RHOG: variants seen among roughly 807,000 people sequenced by gnomAD.
RHOG encodes the protein ras homolog family member G, also known as rho-related GTP-binding protein RhoG.
A neutral mutation model predicts 12.3 loss-of-function variants in RHOG; 1 was observed. That is an observed-to-expected ratio of 0.08 (90% CI 0.03 to 0.39). The LOEUF (loss-of-function observed/expected upper bound fraction) is 0.39. Ranked by LOEUF, RHOG falls within the 10% of genes least tolerant of loss-of-function variation. The probability of loss-of-function intolerance (pLI) is 0.99; values close to 1 mark genes in which losing one functional copy is unlikely to be tolerated. For synonymous variants in RHOG, 129 were observed against 116.0 expected (o/e 1.11, Z -0.72); for missense variants, 114 against 266.2 (o/e 0.43, Z 3.98).
chr11:3,834,163 T>C (rs1045449904), intron 1 of RHOG, among the ~76,000 whole-genome samples: 9 of 152,292 alleles, frequency 5.9e-5, no homozygotes, highest in African/African-American at 1.9e-4. Context: ...CCTCAAGTGA[T>C]CCACCTGCCT....
At chr11:3,834,442 C>T (rs914383431) in intron 1 of RHOG, among the ~76,000 whole-genome samples, 2 of 152,194 alleles carry the variant, frequency 1.3e-5, no homozygotes, top group Non-Finnish European at 2.9e-5. Flanking sequence ...TATGGAGAGA[C>T]TTCTCTGAAG....
At chr11:3,831,507 G>C (rs183662005) in intron 1 of RHOG, among the ~76,000 whole-genome samples, 258 of 152,278 alleles carry the variant, frequency 1.7e-3, no homozygotes, top group Admixed American at 2.4e-3. Flanking sequence ...AAGGGCATAA[G>C]GACCCTCTAG....
chr11:3,833,895 C>G (rs185027325), intron 1 of RHOG, among the ~76,000 whole-genome samples: 47 of 152,326 alleles, frequency 3.1e-4, no homozygotes, highest in African/African-American at 9.4e-4. Context: ...TAAGGCCTAA[C>G]TTAAGTCTCA....
At position 3,828,161 on chromosome 11, in the gene RHOG, G is replaced by A; in HGVS notation, c.-23C>T. 1.3e-6 allele frequency: 2 copies of A among 1,598,518 alleles called. No individual in the cohort carries two copies. Among genetic ancestry groups the A allele is most frequent in the Non-Finnish European group, 1.7e-6 (2 of 1,169,274 alleles). Reference sequence around the variant, plus strand: ...CATCGTGGGTGCAGTTGCTGTAGTGGAGGCAGTGCCTCCTCTCTCTTCTGG... The same window carrying A: ...CATCGTGGGTGCAGTTGCTGTAGTGAAGGCAGTGCCTCCTCTCTCTTCTGG... On this transcript the variant is annotated 5_prime_UTR_variant, in exon 2 of 2. Transcript: ENST00000351018.
At chr11:3,839,946 G>A (rs1053060870) in intron 1 of RHOG, among the ~76,000 whole-genome samples, 3 of 152,162 alleles carry the variant, frequency 2.0e-5, no homozygotes, top group Non-Finnish European at 4.4e-5. Context: ...GCCTAGGTAT[G>A]ACCGTATGTT....
rs922668872 is a variant in RHOG at position 3,827,191 on chromosome 11, G to C, written c.*372C>G. ...AAGAGCAGCGAGGGCAGAGGTTAGA[G>C]ATGGCTGAGAGCCCCTAACCTGAGG... On this transcript the variant is annotated 3_prime_UTR_variant, in exon 2 of 2. Transcript: ENST00000351018. This position sits in a 1 kb window ranked among gnomAD's most constrained non-coding sequence, Gnocchi z 7.3. The C allele has an allele frequency of 2.8e-5, 7 of 251,782 alleles. No homozygotes were observed. Among genetic ancestry groups the C allele is most frequent in the Non-Finnish European group, 7.7e-6 (1 of 129,040 alleles). 15.6% of individuals were successfully genotyped at this position (251,782 alleles called of 1,614,324 possible).
chr11:3,835,775 C>T (rs1407335835), intron 1 of RHOG, among the ~76,000 whole-genome samples: 1 of 152,146 alleles, frequency 6.6e-6, no homozygotes, highest in Admixed American at 6.5e-5. Context: ...TATCCGAGGA[C>T]CCTTGGTCAA....
rs528502191 is a variant in RHOG at position 3,828,777 on chromosome 11, C to T, written c.-68-571G>A. On this transcript the variant is annotated intron_variant, in intron 1 of 1. Transcript: ENST00000351018. ...CTGGGACTACAGGCACCCACCACCACGCCCGGCTAATTTTTTGTATTTTTA... is the reference window on the plus strand; with the variant it reads ...CTGGGACTACAGGCACCCACCACCATGCCCGGCTAATTTTTTGTATTTTTA... Among the ~76,000 whole-genome samples, 318 of 151,896 alleles carry T rather than the reference C, an allele frequency of 2.1e-3. 2 individuals are homozygous for T. Among genetic ancestry groups the T allele is most frequent in the African/African-American group, 7.2e-3 (299 of 41,446 alleles).
intron 1 of RHOG, among the ~76,000 whole-genome samples, chr11:3,834,782 G>A (rs2090147880): frequency 6.6e-6 from 1 of 152,182 alleles, no homozygotes; most frequent in Non-Finnish European, 1.5e-5. Flanking sequence ...TGGGAGTGGG[G>A]GAGGGGAGGA....
intron 1 of RHOG, among the ~76,000 whole-genome samples, chr11:3,834,666 G>T (rs569476428): frequency 6.6e-6 from 1 of 152,232 alleles, no homozygotes; most frequent in Admixed American, 6.5e-5. Flanking sequence ...ACCCAGTGGG[G>T]CCTGGCCTTG....
intron 1 of RHOG, among the ~76,000 whole-genome samples, chr11:3,833,607 G>T (rs1238877731): frequency 6.6e-6 from 1 of 152,190 alleles, no homozygotes; most frequent in Non-Finnish European, 1.5e-5. Flanking sequence ...CTGAGCTTCT[G>T]ATGATTTGCC....
intron 1 of RHOG, among the ~76,000 whole-genome samples, chr11:3,838,377 C>T (rs1348566191): frequency 1.3e-5 from 2 of 152,232 alleles, no homozygotes; most frequent in Middle Eastern, 3.2e-3. Context: ...TCTTTACCAT[C>T]AGAGCCCTGT....
intron 1 of RHOG, among the ~76,000 whole-genome samples, chr11:3,829,802 A>G (rs764111438): frequency 2.0e-5 from 3 of 151,860 alleles, no homozygotes; most frequent in Non-Finnish European, 2.9e-5. Flanking sequence ...GCTGGAGTGT[A>G]GTGGCGCAAT....
chr11:3,832,648 C>A (rs1025879094), intron 1 of RHOG, among the ~76,000 whole-genome samples: 2 of 152,144 alleles, frequency 1.3e-5, no homozygotes, highest in African/African-American at 4.8e-5. Context: ...GGGGATCAGC[C>A]CAGTCCTCCC....
In RHOG at chr11:3,827,905, G is replaced by A. The variant is rs138889621; in HGVS notation, c.234C>T (p.Phe78=). The A allele has an allele frequency of 1.2e-4, 192 of 1,614,138 alleles. 2 individuals carry two copies. In the Admixed American group the frequency reaches 1.8e-3, roughly 15 times the overall value. The change falls in exon 2 of 2, where the codon TTC becomes TTT. Residue 78 remains phenylalanine (F), a synonymous_variant. Coordinates refer to ENST00000351018, the MANE Select transcript of RHOG (RefSeq NM_001665.4). This position sits in a 1 kb window ranked among gnomAD's most constrained non-coding sequence, Gnocchi z 7.3. The part of the protein sequence containing the change: ...RTLSYPQTNV[F]VICFSIASPP... ...GACTGGCAATGGAGAAACAGATGACGAAAACGTTGGTCTGAGGGTAGGAGA... is the reference window on the plus strand; with the variant it reads ...GACTGGCAATGGAGAAACAGATGACAAAAACGTTGGTCTGAGGGTAGGAGA...
intron 1 of RHOG, among the ~76,000 whole-genome samples, chr11:3,833,339 T>C (rs1432454995): frequency 6.6e-6 from 1 of 152,206 alleles, no homozygotes; most frequent in Non-Finnish European, 1.5e-5. Flanking sequence ...AGGCTGGTCT[T>C]GAACTCCTGG....
chr11:3,829,714 G>C (rs569218818), intron 1 of RHOG, among the ~76,000 whole-genome samples: 2 of 152,000 alleles, frequency 1.3e-5, no homozygotes, highest in Non-Finnish European at 2.9e-5. Flanking sequence ...CCAGACATTA[G>C]TATCTTCTCT....
At chr11:3,829,338 C>T (rs547890796) in intron 1 of RHOG, among the ~76,000 whole-genome samples, 36 of 151,128 alleles carry the variant, frequency 2.4e-4, no homozygotes, top group African/African-American at 8.0e-4. Context: ...CTGCAACCTC[C>T]GCCTCCTGGG....
intron 1 of RHOG, among the ~76,000 whole-genome samples, chr11:3,837,386 G>A (rs11030008): frequency 0.63 from 95,991 of 151,936 alleles, 30,401 homozygotes; most frequent in Middle Eastern, 0.68. Flanking sequence ...AGCTCTAACA[G>A]TCCTTGTGCT....
Sources: gnomAD v4.1 joint callset for allele counts (sites outside exome capture counted in the v4.1 genomes callset) on GRCh38, gnomAD v4.1.1 for gene constraint, Gnocchi (gnomAD v3.1) non-coding constraint, MANE v1.5 for transcripts, NCBI Gene and HGNC (gene_info 2026-07-23, HGNC 2026-07-21) for gene names.